UBE2E3: variants seen among roughly 807,000 people sequenced by gnomAD.
UBE2E3 encodes the protein ubiquitin conjugating enzyme E2 E3.
In UBE2E3, 5 loss-of-function variants were observed where a neutral mutation model predicts 23.6. That is an observed-to-expected ratio of 0.21 (90% CI 0.11 to 0.44). The LOEUF (loss-of-function observed/expected upper bound fraction) is 0.44. Among genes scored for constraint, UBE2E3 ranks in the 20% least tolerant of loss-of-function variants. The probability of loss-of-function intolerance (pLI) is 0.99; values close to 1 mark genes in which losing one functional copy is unlikely to be tolerated. For synonymous variants in UBE2E3, 78 were observed against 87.5 expected (o/e 0.89, Z 0.60); for missense variants, 81 against 249.8 (o/e 0.32, Z 4.55).
At chr2:181,062,022 T>C (rs1027421631) in intron 5 of UBE2E3, among the ~76,000 whole-genome samples, 3 of 151,624 alleles carry the variant, frequency 2.0e-5, no homozygotes, top group African/African-American at 7.3e-5. Context: ...ATATTAAGTA[T>C]AAAAGGCACT....
At chr2:180,998,133 C>T (rs912179903) in intron 3 of UBE2E3, among the ~76,000 whole-genome samples, 3 of 151,930 alleles carry the variant, frequency 2.0e-5, no homozygotes, top group East Asian at 3.9e-4. Flanking sequence ...TGTGCTTGAC[C>T]GTACTCCTTG....
intron 3 of UBE2E3, among the ~76,000 whole-genome samples, chr2:181,044,057 CTTGAT>C (rs1250953934): frequency 6.6e-6 from 1 of 152,114 alleles, no homozygotes; most frequent in Non-Finnish European, 1.5e-5. Context: ...TCAAATGACT[CTTGAT>C]ACATGTGGCT....
intron 3 of UBE2E3, among the ~76,000 whole-genome samples, chr2:181,046,750 C>A (rs1448777693): frequency 6.6e-6 from 1 of 152,020 alleles, no homozygotes; most frequent in East Asian, 1.9e-4. Flanking sequence ...TCAGAGTTCT[C>A]CAGTTTGGGG....
At position 181,033,357 on chromosome 2, in the gene UBE2E3, G is replaced by T. The variant is rs1372725737; in HGVS notation, c.246-24336G>T. 2.6e-5 allele frequency among the ~76,000 whole-genome samples: 4 copies of T among 152,218 alleles called. No homozygotes were observed. The South Asian group carries it at 6.2e-4, about 24-fold the overall frequency. On this transcript the variant is annotated intron_variant, in intron 3 of 5. Coordinates refer to ENST00000410062, the MANE Select transcript of UBE2E3 (RefSeq NM_006357.4). Reference sequence around the variant, plus strand: ...ATATAGACCAATGGAACAGAACAGAGCCTTCAGAAATAATACCACACATCT... The same window carrying T: ...ATATAGACCAATGGAACAGAACAGATCCTTCAGAAATAATACCACACATCT...
chr2:180,984,061 T>C lies in UBE2E3; in HGVS notation c.213T>C (p.Ala71=), dbSNP rs1684382380. Residue 71 remains alanine, a synonymous_variant, in exon 3 of 6, where the codon GCT becomes GCC. Coordinates refer to ENST00000410062, the MANE Select transcript of UBE2E3 (RefSeq NM_006357.4). ...TSAKRIQKEL[A]EITLDPPPNC... ...CTAACAGAATTCAGAAGGAGCTAGC[T>C]GAAATAACCCTTGATCCTCCTCCTA... The C allele has an allele frequency of 6.2e-7, 1 of 1,612,040 alleles. No individual in the cohort carries two copies. Among genetic ancestry groups the C allele is most frequent in the South Asian group, 1.1e-5 (1 of 90,682 alleles).
chr2:180,984,612 T>C (rs529115804), intron 3 of UBE2E3, among the ~76,000 whole-genome samples: 2 of 152,202 alleles, frequency 1.3e-5, no homozygotes, highest in Admixed American at 6.5e-5. Context: ...TTCTACAGAA[T>C]GCATTGTTGG....
chr2:181,056,492 C>G (rs907021682), intron 3 of UBE2E3, among the ~76,000 whole-genome samples: 1 of 151,686 alleles, frequency 6.6e-6, no homozygotes, highest in Non-Finnish European at 1.5e-5. Flanking sequence ...CAAGAGGAAG[C>G]AAGAGAGAGA....
chr2:180,996,348 T>G (rs932757003), intron 3 of UBE2E3, among the ~76,000 whole-genome samples: 5 of 152,166 alleles, frequency 3.3e-5, no homozygotes, highest in Non-Finnish European at 5.9e-5. Context: ...AACTGAGAGA[T>G]CTTTATTATA....
intron 3 of UBE2E3, among the ~76,000 whole-genome samples, chr2:181,014,579 G>T (rs1685430885): frequency 6.6e-6 from 1 of 152,264 alleles, no homozygotes; most frequent in South Asian, 2.1e-4. Context: ...GAGATTGGAA[G>T]AAAACAAAGA....
intron 5 of UBE2E3, among the ~76,000 whole-genome samples, chr2:181,062,231 AT>A (rs1687178439): frequency 6.6e-6 from 1 of 151,586 alleles, no homozygotes; most frequent in Admixed American, 6.6e-5. Context: ...ATATGTACAT[AT>A]TTTTTTGTTT....
At position 181,057,605 on chromosome 2, in the gene UBE2E3, A is replaced by G. The variant is rs895692396; in HGVS notation, c.246-88A>G. The G allele has an allele frequency of 4.4e-6, 5 of 1,138,214 alleles. No homozygotes were observed. The African/African-American group carries it at 6.2e-5, about 14-fold the overall frequency. 70.5% of individuals were successfully genotyped at this position (1,138,214 alleles called of 1,614,324 possible). A position where few individuals can be genotyped will look rare whatever the true frequency, so the allele number is the denominator to read the frequency against. ...TTACTTCTTATTGCTCTAGATTGCT[A>G]ATTTACCTTTAACACTTCCCTGGTT... is the stretch of plus-strand genomic sequence containing the variant. On this transcript the variant is annotated intron_variant, in intron 3 of 5. Coordinates refer to ENST00000410062, the MANE Select transcript of UBE2E3 (RefSeq NM_006357.4).
intron 3 of UBE2E3, among the ~76,000 whole-genome samples, chr2:181,013,405 T>C (rs555839036): frequency 7.4e-4 from 111 of 150,994 alleles, no homozygotes; most frequent in African/African-American, 2.6e-3. Context: ...CTTGATGAGA[T>C]TGGAAGATCT....
intron 3 of UBE2E3, among the ~76,000 whole-genome samples, chr2:181,053,428 C>T (rs1002789815): frequency 1.3e-5 from 2 of 151,782 alleles, no homozygotes; most frequent in Non-Finnish European, 2.9e-5. Context: ...GGAACATACT[C>T]GTTTATAAAA....
At chr2:181,032,719 C>T (rs376745602) in intron 3 of UBE2E3, among the ~76,000 whole-genome samples, 18 of 152,258 alleles carry the variant, frequency 1.2e-4, no homozygotes, top group Middle Eastern at 3.4e-3. Context: ...AATATGCCTC[C>T]TTATTCCCAA....
At chr2:181,043,471 T>G (rs1686575462) in intron 3 of UBE2E3, among the ~76,000 whole-genome samples, 1 of 152,184 alleles carries the variant, frequency 6.6e-6, no homozygotes, top group Admixed American at 6.5e-5. Context: ...ACATGAAACA[T>G]AAATGAGTTT....
At chr2:181,023,318 T>C (rs1685766551) in intron 3 of UBE2E3, among the ~76,000 whole-genome samples, 1 of 152,232 alleles carries the variant, frequency 6.6e-6, no homozygotes, top group Non-Finnish European at 1.5e-5. Flanking sequence ...AAATTTGATT[T>C]AGTTACTTTT....
chr2:181,056,810 A>C (rs1245860143), intron 3 of UBE2E3, among the ~76,000 whole-genome samples: 1 of 151,804 alleles, frequency 6.6e-6, no homozygotes, highest in Non-Finnish European at 1.5e-5. Context: ...TGCAGGGAAA[A>C]GATAGTAACT....
chr2:181,030,414 G>C lies in UBE2E3; in HGVS notation c.246-27279G>C, dbSNP rs78942286. ...GAATGTGTATATTTTTCTAATGTCA[G>C]ACTAACTTTGCATTTCCAATTTGGC... On this transcript the variant is annotated intron_variant, in intron 3 of 5. Coordinates refer to ENST00000410062, the MANE Select transcript of UBE2E3 (RefSeq NM_006357.4). Among the ~76,000 whole-genome samples the C allele has an allele frequency of 8.4e-3, 1,284 of 151,986 alleles. 21 individuals are homozygous for C. The highest frequency in any genetic ancestry group is 0.029 in the African/African-American group (1,219 of 41,442).
intron 3 of UBE2E3, chr2:180,989,997 G>C (rs989739262): frequency 1.3e-6 from 2 of 1,522,616 alleles, no homozygotes; most frequent in African/African-American, 2.8e-5. Flanking sequence ...AAAATCACTT[G>C]TAAATCTAGA....
Sources: allele counts gnomAD v4.1 joint callset (sites outside exome capture counted in the v4.1 genomes callset), GRCh38; gene constraint gnomAD v4.1.1; transcripts MANE v1.5; gene names NCBI Gene and HGNC (gene_info 2026-07-23, HGNC 2026-07-21).